SNAP25: variants seen among roughly 807,000 people sequenced by gnomAD.
SNAP25 encodes the protein synaptosome associated protein 25, also known as synaptosomal-associated protein 25.
In SNAP25, 3 loss-of-function variants were observed where a neutral mutation model predicts 28.7. The ratio of observed to expected loss-of-function variants is 0.10; its 90% CI spans 0.05 to 0.27. SNAP25 has a LOEUF of 0.27. SNAP25 is among the 10% of genes least tolerant of loss of function. The pLI, the probability that SNAP25 is intolerant of heterozygous loss-of-function variation, is 1.00. For missense variants in SNAP25, 117 were observed against 278.7 expected, an observed-to-expected ratio of 0.42 and a Z score of 4.13; for synonymous variants, 61 against 88.1, an observed-to-expected ratio of 0.69 and a Z score of 1.72.
chr20:10,295,740 A>C (rs2064095874), intron 5 of SNAP25, among the ~76,000 whole-genome samples: 1 of 152,236 alleles, frequency 6.6e-6, no homozygotes, highest in Admixed American at 6.5e-5. Flanking sequence ...TTTGGACTAA[A>C]AAGCATATGG....
In SNAP25 at chr20:10,280,078, G is replaced by A. The variant is rs530746501; in HGVS notation, c.114+2352G>A. On this transcript the variant is annotated intron_variant, in intron 3 of 7. Transcript: ENST00000254976. ...ACTCATGATCCCAAGGTTTGACAGC[G>A]CCATATAATCTGAATTGAGCTGAAT... Among the ~76,000 whole-genome samples, 43 of 152,272 alleles carry A rather than the reference G, an allele frequency of 2.8e-4. No homozygotes were observed. The South Asian group carries it at 8.5e-3, about 30-fold the overall frequency.
intron 4 of SNAP25, 112 bp downstream of exon 4, chr20:10,284,884 A>G: frequency 1.3e-6 from 1 of 787,546 alleles, no homozygotes; most frequent in Non-Finnish European, 2.1e-6. Context: ...CATGTACACG[A>G]ATGTGAGGGT....
chr20:10,265,767 A>G (rs2063495913), intron 1 of SNAP25, among the ~76,000 whole-genome samples: 1 of 152,058 alleles, frequency 6.6e-6, no homozygotes, highest in Non-Finnish European at 1.5e-5. Context: ...GCACAGAGTC[A>G]CCCCCAAGGT....
chr20:10,281,045 T>C (rs1001597277), intron 3 of SNAP25, among the ~76,000 whole-genome samples: 1 of 152,160 alleles, frequency 6.6e-6, no homozygotes, highest in Non-Finnish European at 1.5e-5. Context: ...TTTGAAACGT[T>C]CTATAAAGAT....
Position 10,306,437 on chromosome 20 carries a change from G to T in SNAP25, c.*240G>T. 2.6e-6 allele frequency: 1 copy of T among 382,000 alleles called. No homozygotes were observed. The highest frequency in any genetic ancestry group is 4.7e-6 in the Non-Finnish European group (1 of 212,190). 23.7% of individuals were successfully genotyped at this position (382,000 alleles called of 1,614,324 possible). A position where few individuals can be genotyped will look rare whatever the true frequency, so the allele number is the denominator to read the frequency against. The stretch of plus-strand genomic sequence containing the variant: ...CATTTGGTGGCTCTAACTCCTTGAG[G>T]TCTTGAGTTTCATTTTTCATTTTCT... On this transcript the variant is annotated 3_prime_UTR_variant, in exon 8 of 8. Transcript: ENST00000254976.
At chr20:10,221,019 C>A (rs892259308) in intron 1 of SNAP25, among the ~76,000 whole-genome samples, 6 of 152,032 alleles carry the variant, frequency 3.9e-5, no homozygotes, top group Non-Finnish European at 7.4e-5. Context: ...AGTATGTAAA[C>A]GTATAAAAGA....
chr20:10,266,615 T>G (rs2122935944), intron 1 of SNAP25, among the ~76,000 whole-genome samples: 3 of 152,346 alleles, frequency 2.0e-5, no homozygotes, highest in Middle Eastern at 6.8e-3. Flanking sequence ...TTGATTGGAT[T>G]GAGTTTGATC....
chr20:10,301,261 A>C (rs1244033931), intron 7 of SNAP25, among the ~76,000 whole-genome samples: 1 of 152,220 alleles, frequency 6.6e-6, no homozygotes, highest in African/African-American at 2.4e-5. Context: ...AGACATATGC[A>C]GCTACAAGGT....
intron 1 of SNAP25, among the ~76,000 whole-genome samples, chr20:10,258,857 C>G (rs1373130485): frequency 6.6e-6 from 1 of 152,144 alleles, no homozygotes; most frequent in Admixed American, 6.5e-5. Context: ...GGCCAGGGAC[C>G]TTTTTCTATT....
intron 1 of SNAP25, among the ~76,000 whole-genome samples, chr20:10,237,195 G>A (rs1034603130): frequency 3.3e-5 from 5 of 152,022 alleles, no homozygotes; most frequent in African/African-American, 9.7e-5. Context: ...AGCTGCTGGG[G>A]CTCAGCCCAG....
intron 1 of SNAP25, among the ~76,000 whole-genome samples, chr20:10,261,611 T>C (rs2063415384): frequency 6.6e-6 from 1 of 152,226 alleles, no homozygotes; most frequent in East Asian, 1.9e-4. Context: ...TCTACTTTAA[T>C]GTATATTAAA....
chr20:10,238,745 A>C (rs2062968165), intron 1 of SNAP25, among the ~76,000 whole-genome samples: 1 of 152,148 alleles, frequency 6.6e-6, no homozygotes, highest in Non-Finnish European at 1.5e-5. Context: ...CTCCGTCTCT[A>C]CTAAAAATAA....
intron 1 of SNAP25, chr20:10,231,607 GGT>G (rs1404415526): frequency 6.6e-6 from 1 of 152,160 alleles, no homozygotes; most frequent in East Asian, 1.9e-4. Flanking sequence ...GGCCTCAAGT[GGT>G]GTCCCAAACT....
At chr20:10,285,610 G>A (rs921221246) in intron 4 of SNAP25, among the ~76,000 whole-genome samples, 15 of 151,438 alleles carry the variant, frequency 9.9e-5, no homozygotes, top group African/African-American at 3.6e-4. Context: ...TTTTTTTTAT[G>A]GCAAAGATAA....
rs577674158 is a variant in SNAP25, at chr20:10,306,815, A to T, written c.*618A>T. The T allele has an allele frequency of 2.6e-5, 4 of 154,724 alleles. No homozygotes were observed. The highest frequency in any genetic ancestry group is 7.2e-5 in the African/African-American group (3 of 41,522). The allele number at this position is 154,724 out of a possible 1,614,324, so 9.6% of individuals were successfully genotyped here. A position where few individuals can be genotyped will look rare whatever the true frequency, so the allele number is the denominator to read the frequency against. On this transcript the variant is annotated 3_prime_UTR_variant, in exon 8 of 8. Coordinates refer to ENST00000254976, the MANE Select transcript of SNAP25 (RefSeq NM_130811.4). ...TACTGATGAGACAACACACACACAC[A>T]CAAAACAACAGCAACAACAACAGAA...
chr20:10,238,340 T>G (rs538528079), intron 1 of SNAP25, among the ~76,000 whole-genome samples: 6 of 152,330 alleles, frequency 3.9e-5, no homozygotes, highest in Admixed American at 1.3e-4. Flanking sequence ...CAGGCCACAG[T>G]GTAAGCCCTG....
chr20:10,276,016 T>G (rs988874309), intron 2 of SNAP25, among the ~76,000 whole-genome samples: 1 of 152,368 alleles, frequency 6.6e-6, no homozygotes, highest in African/African-American at 2.4e-5. Flanking sequence ...CTTCATCACT[T>G]CCTAATTATT....
At chr20:10,263,252 C>A (rs1180310625) in intron 1 of SNAP25, among the ~76,000 whole-genome samples, 3 of 151,760 alleles carry the variant, frequency 2.0e-5, no homozygotes, top group Non-Finnish European at 2.9e-5. Flanking sequence ...ATCTCCTGAC[C>A]TCATGATCCG....
intron 1 of SNAP25, among the ~76,000 whole-genome samples, chr20:10,242,079 C>G (rs2063044169): frequency 6.6e-6 from 1 of 152,174 alleles, no homozygotes; most frequent in African/African-American, 2.4e-5. Context: ...CTGGAGAACC[C>G]TAACTGCTGT....
Sources: allele counts gnomAD v4.1 joint callset (sites outside exome capture counted in the v4.1 genomes callset), GRCh38; gene constraint gnomAD v4.1.1; transcripts MANE v1.5; gene names NCBI Gene and HGNC (gene_info 2026-07-23, HGNC 2026-07-21).